CHN1: variants seen among roughly 807,000 people sequenced by gnomAD.
CHN1 encodes chimerin 1.
CHN1 carries 37 observed loss-of-function variants against 59.5 expected under a neutral mutation model. The observed-to-expected ratio is 0.62, with a 90% CI of 0.48 to 0.82. The LOEUF (loss-of-function observed/expected upper bound fraction) is 0.82. Ranked by LOEUF, CHN1 falls within the 40% of genes least tolerant of loss-of-function variation. The pLI is 0.00. For synonymous variants in CHN1, 206 were observed against 200.4 expected (o/e 1.03, Z -0.24); for missense variants, 469 against 571.0 (o/e 0.82, Z 1.82).
At chr2:174,931,268 G>A (rs1367258398) in intron 3 of CHN1, among the ~76,000 whole-genome samples, 1 of 152,150 alleles carries the variant, frequency 6.6e-6, no homozygotes, top group East Asian at 1.9e-4. Context: ...TTAAATAACA[G>A]ATTATCACAA....
intron 7 of CHN1, among the ~76,000 whole-genome samples, chr2:174,845,781 T>TGG (rs61145499): frequency 0.011 from 876 of 76,492 alleles, 20 homozygotes; most frequent in African/African-American, 0.04. Flanking sequence ...AGCATATGGG[T>TGG]GGGGGGGGGG....
intron 6 of CHN1, among the ~76,000 whole-genome samples, chr2:174,858,979 T>TACACACACACACACACACACAC (rs71407155): frequency 9.3e-4 from 133 of 142,494 alleles, no homozygotes; most frequent in Middle Eastern, 3.6e-3. Context: ...TTTCCTCCTC[T>TACACACACACACACACACACAC]ACACACACAC....
intron 6 of CHN1, among the ~76,000 whole-genome samples, chr2:174,858,464 C>T (rs1321167229): frequency 6.6e-6 from 1 of 152,068 alleles, no homozygotes; most frequent in African/African-American, 2.4e-5. Context: ...GGAAGAAGTA[C>T]AAGCATGGGC....
At chr2:174,833,347 A>G (rs1271537533) in intron 7 of CHN1, among the ~76,000 whole-genome samples, 1 of 152,210 alleles carries the variant, frequency 6.6e-6, no homozygotes, top group Non-Finnish European at 1.5e-5. Context: ...TGTGTTTAAA[A>G]AAGTACAGTC....
chr2:174,970,004 C>T (rs775469520), intron 1 of CHN1, among the ~76,000 whole-genome samples: 1 of 152,126 alleles, frequency 6.6e-6, no homozygotes, highest in Non-Finnish European at 1.5e-5. Flanking sequence ...AAAAGCTATG[C>T]TGGGTAAAAC....
intron 5 of CHN1, among the ~76,000 whole-genome samples, chr2:174,889,308 T>C (rs570275557): frequency 3.3e-5 from 5 of 151,764 alleles, no homozygotes; most frequent in East Asian, 1.9e-4. Flanking sequence ...AAAACAAGAA[T>C]GAACTTATAA....
intron 6 of CHN1, among the ~76,000 whole-genome samples, chr2:174,867,269 G>A (rs978699988): frequency 1.3e-4 from 19 of 151,760 alleles, no homozygotes; most frequent in African/African-American, 1.9e-4. Flanking sequence ...CCAGCTATTC[G>A]GGAGGCTTGA....
At chr2:174,808,206 G>T (rs1380542943) in intron 11 of CHN1, among the ~76,000 whole-genome samples, 4 of 152,222 alleles carry the variant, frequency 2.6e-5, no homozygotes, top group Non-Finnish European at 5.9e-5. Flanking sequence ...CTGAGAATAA[G>T]AATTTAGAAA....
rs963113328 is a variant in CHN1 at position 174,910,390 on chromosome 2, AT to A, written c.260+4667del. Among the ~76,000 whole-genome samples the A allele has an allele frequency of 1.2e-3, 176 of 147,852 alleles. 1 individual carries two copies. The highest frequency in any genetic ancestry group is 7.0e-3 in the Middle Eastern group (2 of 284). ...ATTAAATGTCCAACGTTGATAAAGA[AT>A]TTTTTTTTTTTAATTTCCAAGAAAA... is the stretch of plus-strand genomic sequence containing the variant. On this transcript the variant is annotated intron_variant, in intron 5 of 12. Transcript: ENST00000409900.
chr2:174,967,850 C>T (rs974441564), intron 1 of CHN1, among the ~76,000 whole-genome samples: 1 of 152,200 alleles, frequency 6.6e-6, no homozygotes, highest in South Asian at 2.1e-4. Flanking sequence ...CTAACCCATG[C>T]TTTCCCCATA....
chr2:174,879,803 T>A (rs1249325160), intron 5 of CHN1, among the ~76,000 whole-genome samples: 1 of 152,120 alleles, frequency 6.6e-6, no homozygotes, highest in Non-Finnish European at 1.5e-5. Context: ...GGACTTACGA[T>A]TTTACAGTGG....
At chr2:174,849,131 G>A (rs902783178) in intron 6 of CHN1, among the ~76,000 whole-genome samples, 5 of 152,108 alleles carry the variant, frequency 3.3e-5, no homozygotes, top group Admixed American at 6.6e-5. Context: ...TGTAACCAAA[G>A]TAGCATCTTT....
chr2:174,984,415 C>T (rs1691269625), intron 1 of CHN1, among the ~76,000 whole-genome samples: 2 of 139,994 alleles, frequency 1.4e-5, no homozygotes, highest in South Asian at 4.5e-4. Flanking sequence ...TGTCACCAGG[C>T]TAGAGTGCAG....
intron 3 of CHN1, among the ~76,000 whole-genome samples, chr2:174,935,317 A>T (rs1175323300): frequency 6.6e-6 from 1 of 152,224 alleles, no homozygotes; most frequent in African/African-American, 2.4e-5. Flanking sequence ...GGCCTGGCAG[A>T]TGGTAGCCCC....
At chr2:174,917,086 G>C (rs903763810) in intron 4 of CHN1, among the ~76,000 whole-genome samples, 10 of 152,048 alleles carry the variant, frequency 6.6e-5, no homozygotes, top group Non-Finnish European at 1.3e-4. Context: ...CCAGCTACTC[G>C]GGAGGCTGAG....
At chr2:174,905,650 C>G (rs1688522556) in intron 5 of CHN1, among the ~76,000 whole-genome samples, 1 of 152,014 alleles carries the variant, frequency 6.6e-6, no homozygotes, top group African/African-American at 2.4e-5. Context: ...CTGCAAACTC[C>G]ACCTCCCGGG....
chr2:174,984,211 T>C (rs905501348), intron 1 of CHN1, among the ~76,000 whole-genome samples: 4 of 152,162 alleles, frequency 2.6e-5, no homozygotes, highest in African/African-American at 9.6e-5. Flanking sequence ...TGGATGAATC[T>C]GCTCTGTGTG....
intron 3 of CHN1, among the ~76,000 whole-genome samples, chr2:174,935,173 C>T (rs771105213): frequency 4.6e-5 from 7 of 152,326 alleles, no homozygotes; most frequent in South Asian, 2.1e-4. Context: ...GAGCTGCATA[C>T]ATATGTATCA....
intron 5 of CHN1, among the ~76,000 whole-genome samples, chr2:174,885,305 G>T (rs12615533): frequency 0.6 from 88,295 of 146,760 alleles, 26,224 homozygotes; most frequent in South Asian, 0.7. Context: ...TATATATATA[G>T]AGAGAGAGAA....
Sources: allele counts gnomAD v4.1 joint callset (sites outside exome capture counted in the v4.1 genomes callset), GRCh38; gene constraint gnomAD v4.1.1; transcripts MANE v1.5; gene names NCBI Gene and HGNC (gene_info 2026-07-23, HGNC 2026-07-21).